Variants in KCND3 observed in about 807,000 individuals in gnomAD.
KCND3 encodes the protein A-type voltage-gated potassium channel KCND3.
KCND3 carries 9 observed loss-of-function variants against 51.1 expected under a neutral mutation model. That is an observed-to-expected ratio of 0.18 (90% CI 0.11 to 0.31). The LOEUF (loss-of-function observed/expected upper bound fraction) is 0.31. KCND3 is among the 10% of genes least tolerant of loss of function. KCND3 has a pLI of 1.00. For missense variants in KCND3, 526 were observed against 903.8 expected, an observed-to-expected ratio of 0.58 and a Z score of 5.36; for synonymous variants, 349 against 368.0, an observed-to-expected ratio of 0.95 and a Z score of 0.59.
In KCND3 at chr1:111,814,395, C is replaced by T. The variant is rs375549271; in HGVS notation, c.1107-27289G>A. On this transcript the variant is annotated intron_variant, in intron 2 of 7. Coordinates refer to ENST00000302127, the MANE Select transcript of KCND3 (RefSeq NM_001378969.1). Reference sequence around the variant, plus strand: ...TGTGAAAGCACTGTGGATTCTACGCCGTGAGAAGAGGAAACAGCGTATATT... The same window carrying T: ...TGTGAAAGCACTGTGGATTCTACGCTGTGAGAAGAGGAAACAGCGTATATT... Among the ~76,000 whole-genome samples the T allele has an allele frequency of 7.0e-4, 107 of 152,296 alleles. 1 individual carries two copies. In the South Asian group the frequency reaches 0.017, roughly 25 times the overall value.
chr1:111,851,267 T>C (rs1667803961), intron 2 of KCND3, among the ~76,000 whole-genome samples: 3 of 152,252 alleles, frequency 2.0e-5, no homozygotes, highest in Non-Finnish European at 4.4e-5. Context: ...GTCTTTCCTC[T>C]AGATCAGGGC....
At chr1:111,832,744 G>C (rs11102341) in intron 2 of KCND3, among the ~76,000 whole-genome samples, 10,516 of 152,220 alleles carry the variant, frequency 0.069, 487 homozygotes, top group African/African-American at 0.13. Flanking sequence ...AGATAACGAG[G>C]CTGAAGGGAG....
chr1:111,984,115 T>C (rs1675127730), intron 1 of KCND3, among the ~76,000 whole-genome samples: 1 of 152,256 alleles, frequency 6.6e-6, no homozygotes, highest in East Asian at 1.9e-4. Flanking sequence ...GGAATTCAGC[T>C]GCTGTGATTC....
At chr1:111,899,513 G>C (rs1014525967) in intron 2 of KCND3, among the ~76,000 whole-genome samples, 3 of 152,186 alleles carry the variant, frequency 2.0e-5, no homozygotes, top group African/African-American at 7.2e-5. Flanking sequence ...CTGCAGAAAG[G>C]CCTCCTAAGA....
chr1:111,783,166 A>G (rs1010722441), intron 3 of KCND3, among the ~76,000 whole-genome samples: 6 of 146,432 alleles, frequency 4.1e-5, no homozygotes, highest in Non-Finnish European at 7.5e-5. Flanking sequence ...GAGTTAAAAG[A>G]GAGCTTGGAG....
At position 111,939,364 on chromosome 1, in the gene KCND3, T is replaced by TGCTA. The variant is rs555065092; in HGVS notation, c.1106+42253_1106+42256dup. Among the ~76,000 whole-genome samples the TGCTA allele has an allele frequency of 3.9e-5, 6 of 152,346 alleles. No individual in the cohort carries two copies. The East Asian group carries it at 9.7e-4, about 25-fold the overall frequency. On this transcript the variant is annotated intron_variant, in intron 2 of 7. Transcript: ENST00000302127. ...CATCTATATTAGGTATTTCTCCTAA[T>TGCTA]GCTAGCCCTTCTGTAGTTCCCCACC...
intron 2 of KCND3, among the ~76,000 whole-genome samples, chr1:111,889,986 A>T (rs1283990662): frequency 6.6e-6 from 1 of 152,138 alleles, no homozygotes; most frequent in African/African-American, 2.4e-5. Flanking sequence ...AGGGACAACA[A>T]ACAGAATGGC....
intron 6 of KCND3, 144 bp downstream of exon 6, chr1:111,778,285 CTGGTGCT>C: frequency 1.3e-6 from 1 of 794,476 alleles, no homozygotes; most frequent in Non-Finnish European, 2.3e-6. Context: ...GAAGCCTGAG[CTGGTGCT>C]GGGTGTGACA....
At chr1:111,839,467 T>G (rs1036256476) in intron 2 of KCND3, among the ~76,000 whole-genome samples, 22 of 152,252 alleles carry the variant, frequency 1.4e-4, no homozygotes, top group Admixed American at 9.8e-4. Flanking sequence ...AAGCTAACAT[T>G]ATGTCATTTC....
intron 2 of KCND3, among the ~76,000 whole-genome samples, chr1:111,790,530 A>G (rs1388068755): frequency 2.6e-5 from 4 of 152,188 alleles, no homozygotes; most frequent in Non-Finnish European, 5.9e-5. Flanking sequence ...AAGCTGAACC[A>G]ATGACTTCCT....
intron 2 of KCND3, among the ~76,000 whole-genome samples, chr1:111,804,466 T>C (rs1306297761): frequency 6.6e-6 from 1 of 152,180 alleles, no homozygotes; most frequent in African/African-American, 2.4e-5. Flanking sequence ...ACCTTCTGTG[T>C]TTTGGGTCTG....
chr1:111,940,906 G>A (rs1010567670), intron 2 of KCND3, among the ~76,000 whole-genome samples: 2 of 152,170 alleles, frequency 1.3e-5, no homozygotes, highest in Non-Finnish European at 2.9e-5. Context: ...TTGAACACTT[G>A]TGGTAACTGA....
At chr1:111,886,973 C>T (rs534094993) in intron 2 of KCND3, among the ~76,000 whole-genome samples, 236 of 152,312 alleles carry the variant, frequency 1.5e-3, no homozygotes, top group African/African-American at 5.4e-3. Context: ...AAGCCTGTTT[C>T]ATGCTTACCA....
chr1:111,966,681 C>T (rs1305278354), intron 2 of KCND3, among the ~76,000 whole-genome samples: 1 of 152,168 alleles, frequency 6.6e-6, no homozygotes, highest in African/African-American at 2.4e-5. Flanking sequence ...CTAATGACTT[C>T]CCTGATCTGA....
At chr1:111,841,435 A>AT (rs1354176456) in intron 2 of KCND3, among the ~76,000 whole-genome samples, 4 of 132,892 alleles carry the variant, frequency 3.0e-5, no homozygotes, top group Non-Finnish European at 6.5e-5. Flanking sequence ...ATATCAGAAA[A>AT]CGAATTGTTC....
intron 2 of KCND3, among the ~76,000 whole-genome samples, chr1:111,874,090 G>A (rs762093041): frequency 1.3e-5 from 2 of 152,190 alleles, no homozygotes; most frequent in Non-Finnish European, 2.9e-5. Flanking sequence ...GCCATTAATT[G>A]CTGCGCACTC....
chr1:111,892,597 C>T (rs1443227814), intron 2 of KCND3, among the ~76,000 whole-genome samples: 1 of 152,168 alleles, frequency 6.6e-6, no homozygotes, highest in Admixed American at 6.5e-5. Context: ...AACTATAGTA[C>T]ATTCTATGAG....
chr1:111,792,031 G>A (rs887981170), intron 2 of KCND3, among the ~76,000 whole-genome samples: 1 of 152,210 alleles, frequency 6.6e-6, no homozygotes, highest in Admixed American at 6.5e-5. Flanking sequence ...CTAGGCTGCT[G>A]TGTCGAGTTC....
At chr1:111,860,544 C>T (rs967386173) in intron 2 of KCND3, among the ~76,000 whole-genome samples, 1 of 152,184 alleles carries the variant, frequency 6.6e-6, no homozygotes, top group Admixed American at 6.5e-5. Flanking sequence ...CCCACCCCCC[C>T]AACTTGGGAT....
Sources: allele counts gnomAD v4.1 joint callset (sites outside exome capture counted in the v4.1 genomes callset), GRCh38; gene constraint gnomAD v4.1.1; transcripts MANE v1.5; gene names NCBI Gene and HGNC (gene_info 2026-07-23, HGNC 2026-07-21).